Variants in PPP3CA observed in about 807,000 individuals in gnomAD.
PPP3CA encodes the protein CAM-PRP catalytic subunit.
PPP3CA carries 14 observed loss-of-function variants against 66.5 expected under a neutral mutation model. That is an observed-to-expected ratio of 0.21 (90% confidence interval 0.14 to 0.33). The LOEUF (loss-of-function observed/expected upper bound fraction) is 0.33, where lower values mean the gene tolerates loss of function less well. PPP3CA is among the 10% of genes least tolerant of loss of function. The pLI, the probability that PPP3CA is intolerant of heterozygous loss-of-function variation, is 1.00. For missense variants in PPP3CA, 317 were observed against 639.5 expected (o/e 0.50, Z 5.44); for synonymous variants, 232 against 226.2 (o/e 1.03, Z -0.23).
intron 8 of PPP3CA, among the ~76,000 whole-genome samples, chr4:101,069,845 T>C (rs1173327215): frequency 6.6e-6 from 1 of 152,224 alleles, no homozygotes; most frequent in African/African-American, 2.4e-5. Context: ...TCTCTAGGTT[T>C]TGTGTATTAT....
At chr4:101,088,899 C>T (rs1012422011) in intron 6 of PPP3CA, among the ~76,000 whole-genome samples, 2 of 151,908 alleles carry the variant, frequency 1.3e-5, no homozygotes, top group Admixed American at 6.6e-5. Context: ...TTTCAATACA[C>T]GAGGAAAAAG....
At chr4:101,178,016 C>T (rs1168296775) in intron 2 of PPP3CA, among the ~76,000 whole-genome samples, 2 of 152,090 alleles carry the variant, frequency 1.3e-5, no homozygotes, top group East Asian at 1.9e-4. Context: ...TTTTTGGTCA[C>T]TGAGTTCCTA....
chr4:101,033,271 TAGAG>T (rs1727076804), intron 11 of PPP3CA, among the ~76,000 whole-genome samples: 1 of 125,814 alleles, frequency 7.9e-6, no homozygotes, highest in South Asian at 2.6e-4. Flanking sequence ...TATACATACA[TAGAG>T]ACACACACAC....
Position 101,287,325 on chromosome 4 carries a change from A to T in PPP3CA, c.58+59414T>A, listed in dbSNP as rs190114922. Among the ~76,000 whole-genome samples the T allele has an allele frequency of 2.8e-3, 420 of 152,380 alleles. 1 individual carries two copies. Among genetic ancestry groups the T allele is most frequent in the Non-Finnish European group, 4.4e-3 (301 of 68,042 alleles). On this transcript the variant is annotated intron_variant, in intron 1 of 13. Coordinates refer to ENST00000394854, the MANE Select transcript of PPP3CA (RefSeq NM_000944.5). ...TACTTAAGCATTAGAAACACAACTT[A>T]AAAAGTCACATTCATTTTTATATAA...
intron 6 of PPP3CA, among the ~76,000 whole-genome samples, chr4:101,091,216 A>T (rs997850777): frequency 6.6e-6 from 1 of 152,192 alleles, no homozygotes; most frequent in Non-Finnish European, 1.5e-5. Flanking sequence ...GGTAATTTAA[A>T]CATCTAGGGT....
intron 1 of PPP3CA, among the ~76,000 whole-genome samples, chr4:101,263,113 T>C (rs553710272): frequency 6.6e-6 from 1 of 152,310 alleles, no homozygotes; most frequent in South Asian, 2.1e-4. Flanking sequence ...TTGAGAGATA[T>C]TTTTCATTTT....
chr4:101,139,930 T>G (rs1257527272), intron 2 of PPP3CA, among the ~76,000 whole-genome samples: 1 of 152,102 alleles, frequency 6.6e-6, no homozygotes, highest in Non-Finnish European at 1.5e-5. Flanking sequence ...TAAAATCTTT[T>G]TTTTTTCCGG....
Position 101,039,961 on chromosome 4 carries a change from A to T in PPP3CA, c.1241+521T>A, listed in dbSNP as rs1450553648. Among the ~76,000 whole-genome samples, 7 of 107,062 alleles carry T rather than the reference A, an allele frequency of 6.5e-5. 1 individual carries two copies. The highest frequency in any genetic ancestry group is 1.6e-4 in the Non-Finnish European group (7 of 44,180). The allele number at this position is 107,062 out of a possible 152,430, so 70.2% of individuals were successfully genotyped here. A position where few individuals can be genotyped will look rare whatever the true frequency, so the allele number is the denominator to read the frequency against. On this transcript the variant is annotated intron_variant, in intron 11 of 13. Transcript: ENST00000394854. The stretch of plus-strand genomic sequence containing the variant: ...ATATTTGTTTTCTAAATTAATGCTT[A>T]ATAATAATAATATGATTCATAATCT...
intron 1 of PPP3CA, among the ~76,000 whole-genome samples, chr4:101,336,805 T>C (rs900971465): frequency 1.3e-5 from 2 of 152,150 alleles, no homozygotes; most frequent in Admixed American, 1.3e-4. Flanking sequence ...TCACTAGATG[T>C]GTACATGCAG....
chr4:101,181,239 C>T (rs1251641567), intron 2 of PPP3CA, among the ~76,000 whole-genome samples: 1 of 151,792 alleles, frequency 6.6e-6, no homozygotes, highest in Non-Finnish European at 1.5e-5. Flanking sequence ...AAATAACATA[C>T]TAAGTATCTC....
At chr4:101,084,569 G>C (rs1729575761) in intron 6 of PPP3CA, among the ~76,000 whole-genome samples, 1 of 151,936 alleles carries the variant, frequency 6.6e-6, no homozygotes, top group Non-Finnish European at 1.5e-5. Flanking sequence ...CTTGAACCCA[G>C]GAGGTGGAGG....
chr4:101,302,891 A>G (rs934878089), intron 1 of PPP3CA, among the ~76,000 whole-genome samples: 3 of 152,222 alleles, frequency 2.0e-5, no homozygotes, highest in African/African-American at 7.2e-5. Flanking sequence ...ACTCTAAGGC[A>G]GAGTTATTAA....
At chr4:101,151,492 G>C (rs915798338) in intron 2 of PPP3CA, among the ~76,000 whole-genome samples, 9 of 150,492 alleles carry the variant, frequency 6.0e-5, no homozygotes, top group African/African-American at 2.2e-4. Context: ...CCGGGAGGTG[G>C]AGGTTGCAGT....
intron 2 of PPP3CA, among the ~76,000 whole-genome samples, chr4:101,142,731 C>T (rs1303457888): frequency 1.3e-5 from 2 of 152,156 alleles, no homozygotes; most frequent in Non-Finnish European, 2.9e-5. Context: ...CAAAGTAAAC[C>T]TTTAAAAACA....
chr4:101,335,569 G>T (rs1375743417), intron 1 of PPP3CA, among the ~76,000 whole-genome samples: 1 of 152,128 alleles, frequency 6.6e-6, no homozygotes. Context: ...TTATAGACCA[G>T]ATTAGGCGTT....
chr4:101,257,224 A>G (rs1726872673), intron 1 of PPP3CA, among the ~76,000 whole-genome samples: 1 of 151,994 alleles, frequency 6.6e-6, no homozygotes, highest in African/African-American at 2.4e-5. Flanking sequence ...TTTAATAAGG[A>G]TAAGATATAT....
intron 10 of PPP3CA, among the ~76,000 whole-genome samples, chr4:101,050,717 A>T (rs1447531783): frequency 6.6e-6 from 1 of 152,216 alleles, no homozygotes; most frequent in East Asian, 1.9e-4. Flanking sequence ...GGCAGAGTTA[A>T]ATAAGTAATG....
At position 101,347,090 on chromosome 4, in the gene PPP3CA, GTTC is replaced by G. The variant is rs906138582; in HGVS notation, c.-297_-295del. 14 of 532,364 alleles carry G rather than the reference GTTC, an allele frequency of 2.6e-5. No individual in the cohort carries two copies. Among genetic ancestry groups the G allele is most frequent in the Middle Eastern group, 5.1e-4 (1 of 1,974 alleles). The allele number at this position is 532,364 out of a possible 1,614,324, so 33.0% of individuals were successfully genotyped here. A position where few individuals can be genotyped will look rare whatever the true frequency, so the allele number is the denominator to read the frequency against. ...ATTTATTTTCTGAGCACGCCTCCCG[GTTC>G]TTCTTTTATTCTTGGGGGAAGGGGG... On this transcript the variant is annotated 5_prime_UTR_variant, in exon 1 of 14. Coordinates refer to ENST00000394854, the MANE Select transcript of PPP3CA (RefSeq NM_000944.5).
At chr4:101,287,964 C>A (rs1727898304) in intron 1 of PPP3CA, among the ~76,000 whole-genome samples, 1 of 152,116 alleles carries the variant, frequency 6.6e-6, no homozygotes, top group African/African-American at 2.4e-5. Context: ...CTTCCTTGAC[C>A]CAACCGTTTA....
Sources: gnomAD v4.1 joint callset for allele counts (sites outside exome capture counted in the v4.1 genomes callset) on GRCh38, gnomAD v4.1.1 for gene constraint, MANE v1.5 for transcripts, NCBI Gene and HGNC (gene_info 2026-07-23, HGNC 2026-07-21) for gene names.